SBF2: variants seen among roughly 807,000 people sequenced by gnomAD.
SBF2 encodes the protein myotubularin-related protein 13.
SBF2 carries 112 observed loss-of-function variants against 225.2 expected under a neutral mutation model. The ratio of observed to expected loss-of-function variants is 0.50; its 90% confidence interval spans 0.43 to 0.58. The LOEUF (loss-of-function observed/expected upper bound fraction) is 0.58. Among genes scored for constraint, SBF2 ranks in the 20% least tolerant of loss-of-function variants. SBF2 has a pLI of 0.00. For missense variants in SBF2, 1,996 were observed against 2,206.2 expected (o/e 0.90, Z 1.91); for synonymous variants, 763 against 773.3 (o/e 0.99, Z 0.22).
chr11:10,050,011 C>G (rs1419990741), intron 2 of SBF2, among the ~76,000 whole-genome samples: 2 of 152,302 alleles, frequency 1.3e-5, no homozygotes, highest in African/African-American at 4.8e-5. Context: ...TCTACCACCA[C>G]CACAAACTGC....
At chr11:10,279,523 A>C (rs935411633) in intron 1 of SBF2, among the ~76,000 whole-genome samples, 2 of 152,070 alleles carry the variant, frequency 1.3e-5, no homozygotes, top group African/African-American at 4.8e-5. Flanking sequence ...GGCACATATC[A>C]CCACTATCTT....
At chr11:10,163,379 G>A (rs1955833166) in intron 2 of SBF2, among the ~76,000 whole-genome samples, 1 of 152,120 alleles carries the variant, frequency 6.6e-6, no homozygotes, top group South Asian at 2.1e-4. Context: ...AGTAAGGAAA[G>A]AAAATGAAGT....
At chr11:10,273,189 T>C (rs1962674753) in intron 1 of SBF2, among the ~76,000 whole-genome samples, 1 of 152,258 alleles carries the variant, frequency 6.6e-6, no homozygotes, top group Non-Finnish European at 1.5e-5. Context: ...TAACTAATTA[T>C]TCTGTTTAAT....
intron 1 of SBF2, among the ~76,000 whole-genome samples, chr11:10,279,993 A>G (rs1204124363): frequency 1.3e-5 from 2 of 152,194 alleles, no homozygotes; most frequent in Non-Finnish European, 2.9e-5. Flanking sequence ...CACAGTTTTC[A>G]GTATCGTTTA....
At chr11:9,992,590 G>T in intron 11 of SBF2, 47 bp from the exon 12 acceptor site, 1 of 1,573,492 alleles carries the variant, frequency 6.4e-7, no homozygotes, top group Non-Finnish European at 8.7e-7. Context: ...CTTGGTAACG[G>T]ACAAATGGTC....
At chr11:10,170,727 A>G (rs2135243472) in intron 2 of SBF2, among the ~76,000 whole-genome samples, 1 of 152,108 alleles carries the variant, frequency 6.6e-6, no homozygotes, top group Middle Eastern at 3.4e-3. Flanking sequence ...GAATCTATAG[A>G]TTGCTTTAGG....
chr11:9,954,560 C>G (rs1866042101), intron 16 of SBF2, among the ~76,000 whole-genome samples: 1 of 152,146 alleles, frequency 6.6e-6, no homozygotes, highest in Admixed American at 6.5e-5. Context: ...TGATGAAGCA[C>G]AGGATCTCTT....
intron 2 of SBF2, among the ~76,000 whole-genome samples, chr11:10,120,260 G>A (rs1953374640): frequency 6.6e-6 from 1 of 152,120 alleles, no homozygotes; most frequent in Non-Finnish European, 1.5e-5. Flanking sequence ...GCATGTAATA[G>A]GATTTTCTTC....
chr11:9,978,509 T>C (rs1590663894), intron 13 of SBF2, among the ~76,000 whole-genome samples: 1 of 152,204 alleles, frequency 6.6e-6, no homozygotes, highest in Non-Finnish European at 1.5e-5. Context: ...GCCTATGAAA[T>C]GTAGAAGACA....
chr11:10,006,636 A>G (rs891219259), intron 6 of SBF2, among the ~76,000 whole-genome samples: 3 of 152,188 alleles, frequency 2.0e-5, no homozygotes, highest in Admixed American at 1.3e-4. Context: ...TAAGAAGACA[A>G]ATAAATGTTA....
chr11:10,301,532 A>G (rs145134178), intron 1 of SBF2, among the ~76,000 whole-genome samples: 183 of 152,362 alleles, frequency 1.2e-3, no homozygotes, highest in Admixed American at 3.3e-3. Context: ...ATTTTGAACT[A>G]TATTAATAAT....
chr11:10,146,582 ATAAAAACTTAAATG>A (rs1954896536), intron 2 of SBF2, among the ~76,000 whole-genome samples: 1 of 152,166 alleles, frequency 6.6e-6, no homozygotes, highest in South Asian at 2.1e-4. Flanking sequence ...TCAAGATAGA[ATAAAAACTTAAATG>A]TAAAACCCAA....
chr11:10,248,902 A>T (rs1324637505), intron 1 of SBF2, among the ~76,000 whole-genome samples: 2 of 152,132 alleles, frequency 1.3e-5, no homozygotes, highest in Non-Finnish European at 2.9e-5. Context: ...GAGACCATCC[A>T]GGCTAACACA....
chr11:9,984,791 A>G (rs1002228144), intron 13 of SBF2, among the ~76,000 whole-genome samples: 1 of 152,208 alleles, frequency 6.6e-6, no homozygotes, highest in African/African-American at 2.4e-5. Context: ...TCCTCAAACG[A>G]AACAATTATC....
chr11:9,964,345 C>G (rs1419450793), intron 14 of SBF2, among the ~76,000 whole-genome samples: 1 of 152,188 alleles, frequency 6.6e-6, no homozygotes, highest in African/African-American at 2.4e-5. Flanking sequence ...ATTTTGATTA[C>G]ATGTTCCAGT....
At chr11:9,813,401 G>T (rs1251062816) in intron 29 of SBF2, among the ~76,000 whole-genome samples, 2 of 152,056 alleles carry the variant, frequency 1.3e-5, no homozygotes, top group Non-Finnish European at 2.9e-5. Context: ...GATCTTGACT[G>T]ACTGCAACCT....
rs142782898 is a variant in SBF2 at position 9,794,619 on chromosome 11, C to T, written c.4570+1212G>A. Reference sequence around the variant, plus strand: ...AATAGAGGTTGCAGTGAGCCAAGATCGCACCAATGCACTCCAGCCTTGGAG... The same window carrying T: ...AATAGAGGTTGCAGTGAGCCAAGATTGCACCAATGCACTCCAGCCTTGGAG... On this transcript the variant is annotated intron_variant, in intron 33 of 39. Transcript: ENST00000256190. Among the ~76,000 whole-genome samples the T allele has an allele frequency of 8.3e-3, 1,091 of 131,906 alleles. 14 individuals carry two copies. The highest frequency in any genetic ancestry group is 0.03 in the African/African-American group (1,029 of 34,526). The allele number at this position is 131,906 out of a possible 152,430, so 86.5% of individuals were successfully genotyped here. A position where few individuals can be genotyped will look rare whatever the true frequency, so the allele number is the denominator to read the frequency against.
intron 2 of SBF2, among the ~76,000 whole-genome samples, chr11:10,176,959 C>T (rs766342343): frequency 0.029 from 4,356 of 151,996 alleles, 101 homozygotes; most frequent in African/African-American, 0.067. Context: ...ACTGGCAAAC[C>T]GAATCCAGCA....
intron 17 of SBF2, among the ~76,000 whole-genome samples, chr11:9,884,282 T>C (rs1860074232): frequency 6.6e-6 from 1 of 152,230 alleles, no homozygotes; most frequent in Non-Finnish European, 1.5e-5. Flanking sequence ...TTTTGTGAAA[T>C]GCTCTATGCT....
Sources: allele counts gnomAD v4.1 joint callset (sites outside exome capture counted in the v4.1 genomes callset), GRCh38; gene constraint gnomAD v4.1.1; transcripts MANE v1.5; gene names NCBI Gene and HGNC (gene_info 2026-07-23, HGNC 2026-07-21).